PPP1R42: variants seen among roughly 807,000 people sequenced by gnomAD.
PPP1R42 encodes protein phosphatase 1 regulatory subunit 42.
Under a neutral mutation model 31.0 loss-of-function variants are expected in PPP1R42, and 34 were observed. The ratio of observed to expected loss-of-function variants is 1.10; its 90% CI spans 0.83 to 1.46. PPP1R42 has a LOEUF of 1.46. Among genes scored for constraint, PPP1R42 ranks in the 40% most tolerant of loss-of-function variants. The probability of loss-of-function intolerance (pLI) is 0.00; values close to 1 mark genes in which losing one functional copy is unlikely to be tolerated. For missense variants in PPP1R42, 268 were observed against 303.0 expected, an observed-to-expected ratio of 0.88 and a Z score of 0.86; for synonymous variants, 103 against 109.8, an observed-to-expected ratio of 0.94 and a Z score of 0.39.
rs143303755 is a variant in PPP1R42 at position 66,984,109 on chromosome 8, G to T, written c.671-1929C>A. On this transcript the variant is annotated intron_variant, in intron 6 of 7. Coordinates refer to ENST00000685739, the MANE Select transcript of PPP1R42 (RefSeq NM_001364910.1). The stretch of plus-strand genomic sequence containing the variant: ...GACAGAAGAGACAAAGGCAAGAGGG[G>T]AGAGGCAAGGGCTTGCAGTAGTCTC... 1,097 of 1,574,096 alleles carry T rather than the reference G, an allele frequency of 7.0e-4. 2 individuals carry two copies. Among genetic ancestry groups the T allele is most frequent in the Non-Finnish European group, 8.7e-4 (994 of 1,148,910 alleles).
At chr8:66,998,811 C>A (rs1387784117) in intron 5 of PPP1R42, among the ~76,000 whole-genome samples, 1 of 152,102 alleles carries the variant, frequency 6.6e-6, no homozygotes, top group Non-Finnish European at 1.5e-5. Context: ...TATAATATTT[C>A]TCCTTTATTC....
chr8:67,017,977 T>A lies in PPP1R42; in HGVS notation c.-84-146A>T, dbSNP rs1816067005. The stretch of plus-strand genomic sequence containing the variant: ...TTTTTAGGGGCACTGAGGTATTTTC[T>A]AAGTTTATAGACATAACTTCATAAA... On this transcript the variant is annotated intron_variant, in intron 1 of 7. Transcript: ENST00000685739. 3 of 368,548 alleles carry A rather than the reference T, an allele frequency of 8.1e-6. No homozygotes were observed. The East Asian group carries it at 1.4e-4, about 17-fold the overall frequency. 22.8% of individuals were successfully genotyped at this position (368,548 alleles called of 1,614,324 possible).
At chr8:66,971,197 A>T (rs1814529448) in intron 7 of PPP1R42, 1 of 1,281,432 alleles carries the variant, frequency 7.8e-7, no homozygotes, top group African/African-American at 1.5e-5. Flanking sequence ...CTAAATTTTT[A>T]AAAAGGGTAT....
intron 7 of PPP1R42, among the ~76,000 whole-genome samples, chr8:66,973,170 A>G (rs1481878912): frequency 2.0e-5 from 3 of 152,184 alleles, no homozygotes; most frequent in African/African-American, 7.2e-5. Context: ...ATTAATAATT[A>G]TCATAACAGC....
At chr8:66,981,627 C>T (rs1411846798) in intron 7 of PPP1R42, among the ~76,000 whole-genome samples, 2 of 151,434 alleles carry the variant, frequency 1.3e-5, no homozygotes, top group African/African-American at 2.4e-5. Flanking sequence ...GTGATCCACC[C>T]GCCTCATCCT....
intron 2 of PPP1R42, among the ~76,000 whole-genome samples, chr8:67,014,965 G>A (rs1815961452): frequency 6.6e-6 from 1 of 151,988 alleles, no homozygotes; most frequent in Non-Finnish European, 1.5e-5. Context: ...CAACTATTGT[G>A]GTTTATAATA....
At chr8:67,004,337 C>T (rs1815605895) in intron 5 of PPP1R42, among the ~76,000 whole-genome samples, 1 of 152,194 alleles carries the variant, frequency 6.6e-6, no homozygotes, top group African/African-American at 2.4e-5. Context: ...AAGTAGGTTT[C>T]TGCTGATAAA....
intron 5 of PPP1R42, among the ~76,000 whole-genome samples, chr8:66,997,444 C>CA (rs1815364532): frequency 6.6e-6 from 1 of 151,688 alleles, no homozygotes; most frequent in South Asian, 2.1e-4. Flanking sequence ...GGACCACAGG[C>CA]ATGTTCCACC....
intron 5 of PPP1R42, among the ~76,000 whole-genome samples, chr8:67,007,841 GC>G (rs1233846452): frequency 6.7e-6 from 1 of 150,040 alleles, no homozygotes; most frequent in Non-Finnish European, 1.5e-5. Flanking sequence ...TATTTCACTT[GC>G]CCCAAAGTGC....
chr8:67,010,652 C>A, intron 5 of PPP1R42, 63 bp downstream of exon 5: 2 of 1,162,776 alleles, frequency 1.7e-6, no homozygotes, highest in Non-Finnish European at 2.5e-6. Flanking sequence ...ATAGCTATTA[C>A]AAAACATTTT....
chr8:66,965,999 A>C (rs1280868610), intron 7 of PPP1R42, among the ~76,000 whole-genome samples: 2 of 152,254 alleles, frequency 1.3e-5, no homozygotes, highest in South Asian at 2.1e-4. Flanking sequence ...CATTCCAGCC[A>C]GTAGTACACA....
intron 7 of PPP1R42, among the ~76,000 whole-genome samples, chr8:66,969,455 C>T (rs1372015466): frequency 6.6e-6 from 1 of 152,146 alleles, no homozygotes; most frequent in East Asian, 1.9e-4. Flanking sequence ...TCACATAGCT[C>T]CTGTTTTATT....
intron 5 of PPP1R42, among the ~76,000 whole-genome samples, chr8:67,004,618 C>T (rs997564428): frequency 2.6e-5 from 4 of 151,990 alleles, no homozygotes; most frequent in African/African-American, 9.7e-5. Flanking sequence ...AAAATAGAAT[C>T]TTGCTTTTAT....
intron 5 of PPP1R42, among the ~76,000 whole-genome samples, chr8:66,995,698 C>G (rs1320447354): frequency 6.6e-6 from 1 of 152,114 alleles, no homozygotes; most frequent in African/African-American, 2.4e-5. Flanking sequence ...AGTTTCCTCA[C>G]CAACCATTCT....
chr8:67,019,890 C>CAAA (rs796890271), intron 1 of PPP1R42, among the ~76,000 whole-genome samples: 1 of 143,456 alleles, frequency 7.0e-6, no homozygotes, highest in African/African-American at 2.6e-5. Context: ...TCCACCTCAA[C>CAAA]AAAAAAAAAA....
At chr8:66,972,517 G>C (rs1814564693) in intron 7 of PPP1R42, among the ~76,000 whole-genome samples, 1 of 151,978 alleles carries the variant, frequency 6.6e-6, no homozygotes. Flanking sequence ...AGCCTCCCTA[G>C]TAGCTGGGAT....
intron 6 of PPP1R42, chr8:66,985,948 C>T: frequency 1.3e-6 from 1 of 774,180 alleles, no homozygotes; most frequent in South Asian, 1.5e-5. Context: ...TCACCAAACA[C>T]CTTCTTTAGC....
chr8:66,999,817 T>C (rs1234619007), intron 5 of PPP1R42, among the ~76,000 whole-genome samples: 1 of 152,244 alleles, frequency 6.6e-6, no homozygotes, highest in Non-Finnish European at 1.5e-5. Flanking sequence ...ATTCAGACTT[T>C]CTGTTTCTTA....
intron 1 of PPP1R42, among the ~76,000 whole-genome samples, chr8:67,018,693 A>AG (rs1194937877): frequency 6.8e-6 from 1 of 146,812 alleles, no homozygotes; most frequent in Admixed American, 6.9e-5. Flanking sequence ...TTGTATTTTT[A>AG]GTAGAGATGG....
Sources: allele counts gnomAD v4.1 joint callset (sites outside exome capture counted in the v4.1 genomes callset), GRCh38; gene constraint gnomAD v4.1.1; transcripts MANE v1.5; gene names NCBI Gene and HGNC (gene_info 2026-07-23, HGNC 2026-07-21).